Variants in MCM8 observed in about 807,000 individuals in gnomAD.
MCM8 encodes minichromosome maintenance 8 homologous recombination repair factor, also known as DNA helicase MCM8.
In MCM8, 85 loss-of-function variants were observed where a neutral mutation model predicts 98.9. The observed-to-expected ratio is 0.86, with a 90% CI of 0.72 to 1.03. MCM8 has a LOEUF of 1.03. MCM8 is among the 50% of genes least tolerant of loss of function. The probability of loss-of-function intolerance (pLI) is 0.00; values close to 1 mark genes in which losing one functional copy is unlikely to be tolerated. For synonymous variants in MCM8, 352 were observed against 338.6 expected (o/e 1.04, Z -0.44); for missense variants, 951 against 997.8 (o/e 0.95, Z 0.63).
chr20:5,973,662 C>T (rs550601398), intron 12 of MCM8, among the ~76,000 whole-genome samples: 44 of 152,078 alleles, frequency 2.9e-4, no homozygotes, highest in Admixed American at 1.4e-3. Context: ...ATCAAGGCAA[C>T]CTTTTTTTTT....
Position 5,952,127 on chromosome 20 carries a change from C to G in MCM8, c.112C>G (p.Pro38Ala), listed in dbSNP as rs1385264665. The G allele has an allele frequency of 3.7e-6, 6 of 1,613,774 alleles. No homozygotes were observed. The South Asian group carries it at 4.4e-5, about 12-fold the overall frequency. The change falls in exon 2 of 19, where the codon CCT becomes GCT. Residue 38 changes from proline to alanine, a missense_variant. Coordinates refer to ENST00000610722, the MANE Select transcript of MCM8 (RefSeq NM_032485.6). Reference sequence around the variant, plus strand: ...AAAATGGAGAGAAAGAGAACACAGACCTGATCTGAGTAAAACCACAGGAAA... The same window carrying G: ...AAAATGGAGAGAAAGAGAACACAGAGCTGATCTGAGTAAAACCACAGGAAA... The part of the protein sequence containing the change: ...SGKWREREHR[P>A]DLSKTTGKRT...
Position 5,970,023 on chromosome 20 carries a change from T to G in MCM8, c.1224-1984T>G, listed in dbSNP as rs532475276. Among the ~76,000 whole-genome samples, 6 of 152,342 alleles carry G rather than the reference T, an allele frequency of 3.9e-5. No homozygotes were observed. In the East Asian group the frequency reaches 9.6e-4, roughly 24 times the overall value. The stretch of plus-strand genomic sequence containing the variant: ...GCTTTTTCCCCCTCCATGTTTGTGA[T>G]TTCAGCATCAAAACTAGAATTTTTC... On this transcript the variant is annotated intron_variant, in intron 10 of 18. Coordinates refer to ENST00000610722, the MANE Select transcript of MCM8 (RefSeq NM_032485.6).
intron 13 of MCM8, among the ~76,000 whole-genome samples, chr20:5,979,751 T>C (rs2089592579): frequency 6.6e-6 from 1 of 152,216 alleles, no homozygotes; most frequent in Non-Finnish European, 1.5e-5. Context: ...TTGGCATGCC[T>C]GTAACCACGC....
chr20:5,975,029 C>A (rs1191888428), intron 12 of MCM8, among the ~76,000 whole-genome samples: 2 of 152,078 alleles, frequency 1.3e-5, no homozygotes, highest in African/African-American at 4.8e-5. Context: ...GAGGCCAAGT[C>A]GGAAGGATTA....
chr20:5,975,589 C>T (rs965218442), intron 12 of MCM8, among the ~76,000 whole-genome samples: 4 of 151,378 alleles, frequency 2.6e-5, no homozygotes, highest in Non-Finnish European at 5.9e-5. Flanking sequence ...CTCCGCCTCC[C>T]GGGTTCACGC....
chr20:5,986,190 C>T, intron 16 of MCM8, 59 bp downstream of exon 16: 5 of 1,490,600 alleles, frequency 3.4e-6, no homozygotes, highest in Non-Finnish European at 4.7e-6. Flanking sequence ...TGTGCCTTGA[C>T]TTCTCTTTTG....
chr20:5,983,192 T>C lies in MCM8; in HGVS notation c.1733+27T>C, dbSNP rs754682154. On this transcript the variant is annotated intron_variant, in intron 14 of 18. Coordinates refer to ENST00000610722, the MANE Select transcript of MCM8 (RefSeq NM_032485.6). Reference sequence around the variant, plus strand: ...TAAGTCTCTTCAAATATTTATACCTTTAATGTATTGAATCACTTTAATTCA... The same window carrying C: ...TAAGTCTCTTCAAATATTTATACCTCTAATGTATTGAATCACTTTAATTCA... 6 of 1,554,850 alleles carry C rather than the reference T, an allele frequency of 3.9e-6. No individual in the cohort carries two copies. The East Asian group carries it at 1.1e-4, about 29-fold the overall frequency.
At chr20:5,971,957 G>T (rs1338040374) in intron 10 of MCM8, 50 bp from the exon 11 acceptor site, 1 of 1,536,376 alleles carries the variant, frequency 6.5e-7, no homozygotes, top group Admixed American at 1.7e-5. Context: ...ATCTCCTAAT[G>T]GATCAATGAA....
rs1416902385 is a variant in MCM8 at position 5,997,468 on chromosome 20, A to C, written c.*3077A>C. 1 of 152,346 alleles carries C rather than the reference A, an allele frequency of 6.6e-6. No individual in the cohort carries two copies. The highest frequency in any genetic ancestry group is 1.5e-5 in the Non-Finnish European group (1 of 68,200). 9.4% of individuals were successfully genotyped at this position (152,346 alleles called of 1,614,324 possible). A position where few individuals can be genotyped will look rare whatever the true frequency, so the allele number is the denominator to read the frequency against. ...AGTGCCGGGATTACAGGCGTGAGCC[A>C]TTGTGCCCAGCCAAAAGTTTCTTTT... On this transcript the variant is annotated 3_prime_UTR_variant, in exon 19 of 19. Coordinates refer to ENST00000610722, the MANE Select transcript of MCM8 (RefSeq NM_032485.6).
intron 10 of MCM8, 44 bp from the exon 11 acceptor site, chr20:5,971,963 A>G (rs1279496590): frequency 1.3e-5 from 20 of 1,575,168 alleles, no homozygotes; most frequent in Non-Finnish European, 1.7e-5. Context: ...TAATGGATCA[A>G]TGAAGTATAA....
At chr20:5,951,452 T>A (rs1034340998) in intron 1 of MCM8, among the ~76,000 whole-genome samples, 4 of 131,880 alleles carry the variant, frequency 3.0e-5, no homozygotes, top group Admixed American at 7.0e-5. Context: ...GGTATATCTT[T>A]ATTTACTTGT....
In MCM8 at chr20:5,950,949, C is replaced by T. The variant is rs1168528274; in HGVS notation, c.-80C>T. ...GGGAGGGAGGGAGGGAGAATCCGGC[C>T]GGACAGATCTGCGCGTATCCTGGAG... On this transcript the variant is annotated 5_prime_UTR_variant, in exon 1 of 19. Coordinates refer to ENST00000610722, the MANE Select transcript of MCM8 (RefSeq NM_032485.6). The T allele has an allele frequency of 5.3e-5, 8 of 152,258 alleles. No homozygotes were observed. Among genetic ancestry groups the T allele is most frequent in the Admixed American group, 3.9e-4 (6 of 15,264 alleles). The allele number at this position is 152,258 out of a possible 1,614,324, so 9.4% of individuals were successfully genotyped here. A position where few individuals can be genotyped will look rare whatever the true frequency, so the allele number is the denominator to read the frequency against.
chr20:5,998,239 A>G lies in MCM8; in HGVS notation c.*3848A>G, dbSNP rs188451321. Reference sequence around the variant, plus strand: ...TATTCAGTGTCCATTCTGCTCTCCTAGTGTGCCTTCCTATAATGCAGGGGC... The same window carrying G: ...TATTCAGTGTCCATTCTGCTCTCCTGGTGTGCCTTCCTATAATGCAGGGGC... On this transcript the variant is annotated 3_prime_UTR_variant, in exon 19 of 19. Transcript: ENST00000610722. The G allele has an allele frequency of 6.6e-6, 1 of 152,306 alleles. No individual in the cohort carries two copies. Among genetic ancestry groups the G allele is most frequent in the East Asian group, 1.9e-4 (1 of 5,184 alleles). The allele number at this position is 152,306 out of a possible 1,614,324, so 9.4% of individuals were successfully genotyped here. A position where few individuals can be genotyped will look rare whatever the true frequency, so the allele number is the denominator to read the frequency against.
chr20:5,960,994 T>G (rs1461980782), intron 7 of MCM8, among the ~76,000 whole-genome samples: 1 of 152,228 alleles, frequency 6.6e-6, no homozygotes, highest in Non-Finnish European at 1.5e-5. Flanking sequence ...ACATATTTCC[T>G]ACATTGCTTC....
chr20:5,970,185 T>TG (rs1568582150), intron 10 of MCM8, among the ~76,000 whole-genome samples: 3 of 152,190 alleles, frequency 2.0e-5, no homozygotes. Flanking sequence ...CACTACAAGT[T>TG]GAATAGTTGT....
At chr20:5,977,854 C>T (rs1318824621) in intron 12 of MCM8, 22 bp from the exon 13 acceptor site, 3 of 1,611,872 alleles carry the variant, frequency 1.9e-6, no homozygotes, top group Non-Finnish European at 2.5e-6. Flanking sequence ...GGATGATTCT[C>T]TTAAACTTTT....
chr20:5,952,475 C>T lies in MCM8; in HGVS notation c.200C>T (p.Ser67Leu), dbSNP rs1274882323. Reference protein sequence around the residue: ...LSTKTPQSMQSTLDRFIPYKG... With the variant: ...LSTKTPQSMQLTLDRFIPYKG... The stretch of plus-strand genomic sequence containing the variant: ...ACAAAGACCCCACAGTCAATGCAGT[C>T]AACATTGGATCGATTCATACCATAT... The change falls in exon 3 of 19, where the codon TCA (serine) becomes TTA (leucine). Residue 67 changes from serine (S) to leucine (L), a missense_variant. Transcript: ENST00000610722. The T allele has an allele frequency of 1.9e-6, 3 of 1,614,002 alleles. No homozygotes were observed. Among genetic ancestry groups the T allele is most frequent in the Middle Eastern group, 1.7e-4 (1 of 6,060 alleles).
intron 8 of MCM8, chr20:5,964,598 C>T (rs1025363390): frequency 6.6e-6 from 1 of 152,150 alleles, no homozygotes; most frequent in Non-Finnish European, 1.5e-5. Context: ...ACAGATCAAA[C>T]TTCTTGTTCT....
intron 13 of MCM8, among the ~76,000 whole-genome samples, chr20:5,980,350 C>T (rs140220310): frequency 1.3e-5 from 2 of 152,156 alleles, no homozygotes; most frequent in East Asian, 1.9e-4. Context: ...GTGCCATACT[C>T]GGCATTCCTA....
Sources: allele counts gnomAD v4.1 joint callset (sites outside exome capture counted in the v4.1 genomes callset), GRCh38; gene constraint gnomAD v4.1.1; transcripts MANE v1.5; gene names NCBI Gene and HGNC (gene_info 2026-07-23, HGNC 2026-07-21).